Variants in NALF1 observed in about 807,000 individuals in gnomAD.
The protein encoded by NALF1 is NALCN channel auxiliary factor 1.
Under a neutral mutation model 48.4 loss-of-function variants are expected in NALF1, and 3 were observed. That is an observed-to-expected ratio of 0.06 (90% CI 0.03 to 0.16). NALF1 has a LOEUF of 0.16. Ranked by LOEUF, NALF1 falls within the 10% of genes least tolerant of loss-of-function variation. NALF1 has a pLI of 1.00. For missense variants in NALF1, 526 were observed against 571.5 expected (o/e 0.92, Z 0.81); for synonymous variants, 262 against 245.7 (o/e 1.07, Z -0.62).
chr13:107,298,350 TCAAA>T (rs1307221982), intron 1 of NALF1, among the ~76,000 whole-genome samples: 1 of 5,192 alleles, frequency 1.9e-4, no homozygotes, highest in African/African-American at 1.4e-3. Flanking sequence ...AGACTCCATC[TCAAA>T]AAAAAAAAAA....
At chr13:107,365,797 G>A (rs1024205103) in intron 1 of NALF1, among the ~76,000 whole-genome samples, 1 of 152,080 alleles carries the variant, frequency 6.6e-6, no homozygotes, top group African/African-American at 2.4e-5. Flanking sequence ...CAACATTATC[G>A]ACTTAGCAAA....
chr13:107,448,335 T>C (rs1184372851), intron 1 of NALF1, among the ~76,000 whole-genome samples: 2 of 151,522 alleles, frequency 1.3e-5, no homozygotes, highest in African/African-American at 4.9e-5. Flanking sequence ...TTTTTAGCAA[T>C]GGCCATCTGT....
At chr13:107,537,047 A>G (rs964045120) in intron 1 of NALF1, among the ~76,000 whole-genome samples, 18 of 152,028 alleles carry the variant, frequency 1.2e-4, no homozygotes, top group Admixed American at 6.6e-4. Context: ...ACTTGGACAC[A>G]GGGCGGGGAA....
At position 107,525,239 on chromosome 13, in the gene NALF1, A is replaced by C. The variant is rs536719137; in HGVS notation, c.916-314484T>G. Among the ~76,000 whole-genome samples, 5 of 152,170 alleles carry C rather than the reference A, an allele frequency of 3.3e-5. No homozygotes were observed. In the East Asian group the frequency reaches 5.8e-4, roughly 18 times the overall value. On this transcript the variant is annotated intron_variant, in intron 1 of 2. Coordinates refer to ENST00000375915, the MANE Select transcript of NALF1 (RefSeq NM_001080396.3). Reference sequence around the variant, plus strand: ...GATTAAGAAGAGTCCCGTCACCCCCAAAAACTCCCTCATACAATCCACTTA... The same window carrying C: ...GATTAAGAAGAGTCCCGTCACCCCCCAAAACTCCCTCATACAATCCACTTA...
chr13:107,733,604 C>G (rs1876377320), intron 1 of NALF1, among the ~76,000 whole-genome samples: 1 of 152,016 alleles, frequency 6.6e-6, no homozygotes, highest in Admixed American at 6.6e-5. Flanking sequence ...AAATCAGAGG[C>G]ATTTATTAGT....
chr13:107,741,540 G>A (rs1165696500), intron 1 of NALF1, among the ~76,000 whole-genome samples: 1 of 150,512 alleles, frequency 6.6e-6, no homozygotes, highest in Non-Finnish European at 1.5e-5. Flanking sequence ...CTGAGAAAAT[G>A]ATGGTACTAT....
chr13:107,509,182 T>G (rs1875800615), intron 1 of NALF1, among the ~76,000 whole-genome samples: 1 of 152,164 alleles, frequency 6.6e-6, no homozygotes, highest in Non-Finnish European at 1.5e-5. Flanking sequence ...TATTCTCTTT[T>G]AGTAGTATAT....
chr13:107,600,036 T>C (rs757992542), intron 1 of NALF1, among the ~76,000 whole-genome samples: 2 of 152,218 alleles, frequency 1.3e-5, no homozygotes, highest in Non-Finnish European at 2.9e-5. Flanking sequence ...TAGATAAATA[T>C]CTCAGTTGCT....
chr13:107,793,909 G>T (rs563090037), intron 1 of NALF1, among the ~76,000 whole-genome samples: 5 of 151,940 alleles, frequency 3.3e-5, no homozygotes, highest in African/African-American at 1.2e-4. Flanking sequence ...AAATGAGTGT[G>T]ACTATGAATT....
At chr13:107,774,636 T>C (rs770419419) in intron 1 of NALF1, among the ~76,000 whole-genome samples, 5 of 152,180 alleles carry the variant, frequency 3.3e-5, no homozygotes, top group African/African-American at 4.8e-5. Context: ...CCAGCAGCCA[T>C]TTCTATTATG....
intron 1 of NALF1, among the ~76,000 whole-genome samples, chr13:107,442,970 T>C (rs978432835): frequency 6.6e-6 from 1 of 152,126 alleles, no homozygotes; most frequent in Non-Finnish European, 1.5e-5. Flanking sequence ...GAGTAGTCTA[T>C]AAATAACATA....
intron 1 of NALF1, among the ~76,000 whole-genome samples, chr13:107,805,265 C>T (rs893182150): frequency 1.3e-5 from 2 of 152,054 alleles, no homozygotes; most frequent in African/African-American, 2.4e-5. Flanking sequence ...GATTTCTCAG[C>T]GCTTACTCTT....
chr13:107,403,165 C>G (rs1365156955), intron 1 of NALF1, among the ~76,000 whole-genome samples: 2 of 104,034 alleles, frequency 1.9e-5, no homozygotes, highest in African/African-American at 7.1e-5. Context: ...GTACTCACTT[C>G]TGCTTGGTTT....
At chr13:107,361,981 T>C (rs935811823) in intron 1 of NALF1, among the ~76,000 whole-genome samples, 1 of 152,166 alleles carries the variant, frequency 6.6e-6, no homozygotes, top group Non-Finnish European at 1.5e-5. Flanking sequence ...TAGGAAAAGA[T>C]GAATCCTTGT....
chr13:107,440,540 T>C (rs1449194416), intron 1 of NALF1, among the ~76,000 whole-genome samples: 1 of 151,970 alleles, frequency 6.6e-6, no homozygotes, highest in Admixed American at 6.6e-5. Flanking sequence ...TTGCGCTGAG[T>C]TTTGAGAGAA....
chr13:107,271,447 G>T (rs75350443), intron 1 of NALF1, among the ~76,000 whole-genome samples: 8,058 of 152,126 alleles, frequency 0.053, 328 homozygotes, highest in African/African-American at 0.12. Flanking sequence ...ACAGGCAAAG[G>T]AAAAGTAATT....
intron 1 of NALF1, among the ~76,000 whole-genome samples, chr13:107,423,614 A>T (rs2139010678): frequency 6.6e-6 from 1 of 152,328 alleles, no homozygotes; most frequent in South Asian, 2.1e-4. Flanking sequence ...CTCAAATGAT[A>T]AAAGAGAAAA....
rs560066957 is a variant in NALF1, at chr13:107,709,058, A to G, written c.915+156624T>C. ...GATAACAACAGCAATGGTATTCTAA[A>G]GTAAAAAATAAAGAAAAATTCAAAA... is the stretch of plus-strand genomic sequence containing the variant. On this transcript the variant is annotated intron_variant, in intron 1 of 2. Transcript: ENST00000375915. Among the ~76,000 whole-genome samples the G allele has an allele frequency of 1.2e-4, 19 of 152,372 alleles. 1 individual carries two copies. In the East Asian group the frequency reaches 1.9e-3, roughly 15 times the overall value.
In NALF1 at chr13:107,664,052, T is replaced by C. The variant is rs978652859; in HGVS notation, c.915+201630A>G. 3.9e-5 allele frequency among the ~76,000 whole-genome samples: 6 copies of C among 152,268 alleles called. No individual in the cohort carries two copies. The East Asian group carries it at 9.7e-4, about 24-fold the overall frequency. On this transcript the variant is annotated intron_variant, in intron 1 of 2. Coordinates refer to ENST00000375915, the MANE Select transcript of NALF1 (RefSeq NM_001080396.3). ...ATAGTCCAAGCCCATATGTGTACCTTTGGCTTGGCACCTCTGGTTAATATT... is the reference window on the plus strand; with the variant it reads ...ATAGTCCAAGCCCATATGTGTACCTCTGGCTTGGCACCTCTGGTTAATATT...
Sources: gnomAD v4.1 joint callset for allele counts (sites outside exome capture counted in the v4.1 genomes callset) on GRCh38, gnomAD v4.1.1 for gene constraint, MANE v1.5 for transcripts, NCBI Gene and HGNC (gene_info 2026-07-23, HGNC 2026-07-21) for gene names.